Variants in ARHGEF4 observed in about 807,000 individuals in gnomAD.
ARHGEF4 encodes Rho guanine nucleotide exchange factor 4, also known as APC-stimulated guanine nucleotide exchange factor 1.
A neutral mutation model predicts 162.0 loss-of-function variants in ARHGEF4; 119 were observed. That is an observed-to-expected ratio of 0.73 (90% CI 0.63 to 0.86). The LOEUF is 0.86. Ranked by LOEUF, ARHGEF4 falls within the 40% of genes least tolerant of loss-of-function variation. ARHGEF4 has a pLI of 0.00. For synonymous variants in ARHGEF4, 1,014 were observed against 979.9 expected (o/e 1.03, Z -0.65); for missense variants, 2,488 against 2,456.0 (o/e 1.01, Z -0.28).
rs1490091217 is a variant in ARHGEF4 at position 130,917,218 on chromosome 2, G to A, written c.3272G>A (p.Ser1091Asn). ...ENPGTPCRPTSPKPLSPRPSA... is the reference protein window; with the variant it reads ...ENPGTPCRPTNPKPLSPRPSA... ...CCCGGGACGCCCTGCAGACCCACGA[G>A]CCCCAAGCCCCTGAGTCCCAGGCCT... The change falls in exon 2 of 14, where the codon AGC becomes AAC. Residue 1091 changes from serine to asparagine, a missense_variant. By Grantham distance (46) the Ser-to-Asn change is conservative. Around this residue, in one of 6 missense-constraint regions of ARHGEF4, gnomAD observed 1,642 missense variants for 1,481.5 expected, o/e 1.11. Transcript: ENST00000409359. 1.4e-5 allele frequency: 21 copies of A among 1,550,334 alleles called. No homozygotes were observed. The highest frequency in any genetic ancestry group is 1.7e-5 in the Non-Finnish European group (19 of 1,146,970).
intron 3 of ARHGEF4, among the ~76,000 whole-genome samples, chr2:130,938,837 C>G (rs1209508652): frequency 6.6e-6 from 1 of 152,078 alleles, no homozygotes; most frequent in Non-Finnish European, 1.5e-5. Flanking sequence ...CAAAGATTTT[C>G]TTCTGTTTTT....
intron 1 of ARHGEF4, among the ~76,000 whole-genome samples, chr2:130,863,920 C>T (rs1383467895): frequency 7.9e-6 from 1 of 125,928 alleles, no homozygotes; most frequent in Non-Finnish European, 1.6e-5. Context: ...CACAGTGGCT[C>T]ACGCCTGTAA....
chr2:130,894,895 A>G (rs1036956805), intron 1 of ARHGEF4, among the ~76,000 whole-genome samples: 10 of 152,098 alleles, frequency 6.6e-5, no homozygotes, highest in African/African-American at 2.4e-4. Flanking sequence ...TCTCCTGGTT[A>G]TCTTATGGAG....
chr2:130,897,074 G>A (rs1007294464), intron 1 of ARHGEF4, among the ~76,000 whole-genome samples: 1 of 152,214 alleles, frequency 6.6e-6, no homozygotes, highest in East Asian at 1.9e-4. Context: ...TGCAGTGAAA[G>A]CGTAAATGCT....
At chr2:131,012,762 G>A (rs1256695786) in intron 4 of ARHGEF4, among the ~76,000 whole-genome samples, 1 of 152,158 alleles carries the variant, frequency 6.6e-6, no homozygotes, top group Non-Finnish European at 1.5e-5. Context: ...TGTATTTTTA[G>A]TAGAAATGGG....
chr2:131,033,438 G>A (rs1359218051), intron 5 of ARHGEF4, among the ~76,000 whole-genome samples: 1 of 152,216 alleles, frequency 6.6e-6, no homozygotes, highest in Non-Finnish European at 1.5e-5. Context: ...CGAGCAGGCT[G>A]CTGTAGACCC....
At chr2:130,932,177 G>A (rs998003964) in intron 3 of ARHGEF4, among the ~76,000 whole-genome samples, 4 of 152,086 alleles carry the variant, frequency 2.6e-5, no homozygotes, top group Non-Finnish European at 5.9e-5. Flanking sequence ...TGTGACTGGC[G>A]TTTTTCACTT....
chr2:131,041,398 C>G lies in ARHGEF4; in HGVS notation c.4831C>G (p.Gln1611Glu), dbSNP rs1690801025. Residue 1611 changes from glutamine to glutamate, a missense_variant, in exon 9 of 14, where the codon CAG (glutamine) becomes GAG (glutamate). Gln to Glu is a conservative substitution (Grantham distance 29, BLOSUM62 2). Transcript: ENST00000409359. ...GGATGGCTTCCTGCTGACTCCGGTGCAGAAGATCTGCAAGTACCCTCTGCA... is the reference window on the plus strand; with the variant it reads ...GGATGGCTTCCTGCTGACTCCGGTGGAGAAGATCTGCAAGTACCCTCTGCA... The part of the protein sequence containing the change: ...SLDGFLLTPV[Q>E]KICKYPLQLA... 1 of 1,613,286 alleles carries G rather than the reference C, an allele frequency of 6.2e-7. No homozygotes were observed. The highest frequency in any genetic ancestry group is 8.5e-7 in the Non-Finnish European group (1 of 1,180,042).
intron 1 of ARHGEF4, among the ~76,000 whole-genome samples, chr2:130,904,004 T>C (rs943090434): frequency 2.4e-4 from 36 of 152,242 alleles, no homozygotes; most frequent in African/African-American, 8.0e-4. Context: ...CTCTTTGATA[T>C]AATGATTTCT....
At chr2:130,979,763 AT>A (rs144128009) in intron 4 of ARHGEF4, among the ~76,000 whole-genome samples, 5,350 of 150,584 alleles carry the variant, frequency 0.036, 364 homozygotes, top group African/African-American at 0.12. Context: ...AAAACCTGAA[AT>A]TTTGCTGTTA....
intron 1 of ARHGEF4, among the ~76,000 whole-genome samples, chr2:130,842,476 G>C (rs2104855439): frequency 6.6e-6 from 1 of 152,352 alleles, no homozygotes; most frequent in South Asian, 2.1e-4. Flanking sequence ...TGAGGACAGA[G>C]TGTGTTATTA....
At chr2:130,869,456 T>C (rs1285045737) in intron 1 of ARHGEF4, among the ~76,000 whole-genome samples, 1 of 152,158 alleles carries the variant, frequency 6.6e-6, no homozygotes, top group East Asian at 1.9e-4. Context: ...GAGTTACCCC[T>C]GAGATAAGCA....
rs1424927435 is a variant in ARHGEF4 at position 130,916,935 on chromosome 2, G to A, written c.2989G>A (p.Gly997Ser). The change falls in exon 2 of 14, where the codon GGC becomes AGC. Residue 997 changes from glycine (G) to serine (S), a missense_variant. Physicochemically the swap from Gly to Ser is moderately conservative, Grantham distance 56. Transcript: ENST00000409359. ...HCEERAEDKE[G>S]YVFSDHWAPP... ...TGAGGAACGGGCGGAGGACAAAGAG[G>A]GCTATGTTTTTAGCGATCACTGGGC... 3.9e-6 allele frequency: 6 copies of A among 1,550,668 alleles called. No homozygotes were observed. The Admixed American group carries it at 7.8e-5, about 20-fold the overall frequency.
intron 3 of ARHGEF4, among the ~76,000 whole-genome samples, chr2:130,940,396 C>T (rs1024655292): frequency 1.5e-4 from 23 of 151,842 alleles, no homozygotes; most frequent in Admixed American, 2.0e-4. Context: ...CCCAGGTTCG[C>T]GACATTCTCC....
rs1179118387 is a variant in ARHGEF4 at position 131,044,441 on chromosome 2, G to T, written c.5300G>T (p.Gly1767Val). 2 of 1,561,022 alleles carry T rather than the reference G, an allele frequency of 1.3e-6. No homozygotes were observed. Among genetic ancestry groups the T allele is most frequent in the East Asian group, 2.4e-5 (1 of 41,570 alleles). The change falls in exon 12 of 14, where the codon GGG (glycine) becomes GTG (valine). Residue 1767 changes from glycine to valine, a missense_variant. Physicochemically the swap from Gly to Val is moderately radical, Grantham distance 109. This residue lies in a region of ARHGEF4 where 415 missense variants were observed against 512.4 expected (regional missense o/e 0.81). Transcript: ENST00000409359. ...NAFRLHRGAT[G>V]DSHLLCTRKP... ...TTCCGGCTGCACCGTGGCGCCACAG[G>T]GGACAGCCACCTGCTGTGCACCAGG...
chr2:130,924,416 G>A (rs376232348), intron 2 of ARHGEF4, among the ~76,000 whole-genome samples: 59 of 151,548 alleles, frequency 3.9e-4, no homozygotes, highest in African/African-American at 1.4e-3. Flanking sequence ...ACAGGCACCC[G>A]CCACCACACC....
At chr2:130,941,307 A>G (rs1183755194) in intron 3 of ARHGEF4, among the ~76,000 whole-genome samples, 1 of 151,678 alleles carries the variant, frequency 6.6e-6, no homozygotes, top group Non-Finnish European at 1.5e-5. Flanking sequence ...CCTGGGTTCA[A>G]GCAATTCTGC....
intron 4 of ARHGEF4, among the ~76,000 whole-genome samples, chr2:131,008,958 G>A (rs1219815365): frequency 6.6e-6 from 1 of 152,156 alleles, no homozygotes; most frequent in Non-Finnish European, 1.5e-5. Flanking sequence ...TTAAAATAGT[G>A]TGTTGTACAT....
At chr2:130,848,168 T>C (rs1681129944) in intron 1 of ARHGEF4, among the ~76,000 whole-genome samples, 1 of 151,992 alleles carries the variant, frequency 6.6e-6, no homozygotes, top group Non-Finnish European at 1.5e-5. Flanking sequence ...GCCTGAAGGG[T>C]GAGGCTTCCC....
Sources: gnomAD v4.1 joint callset for allele counts (sites outside exome capture counted in the v4.1 genomes callset) on GRCh38, gnomAD v4.1.1 for gene constraint, gnomAD v4.1.1 regional missense constraint, MANE v1.5 for transcripts, NCBI Gene and HGNC (gene_info 2026-07-23, HGNC 2026-07-21) for gene names.